JMY: variants seen among roughly 807,000 people sequenced by gnomAD.
JMY encodes junction mediating and regulatory protein, p53 cofactor, also known as junction-mediating and -regulatory protein.
A neutral mutation model predicts 103.3 loss-of-function variants in JMY; 46 were observed. The observed-to-expected ratio is 0.45, with a 90% confidence interval of 0.35 to 0.57. JMY has a LOEUF of 0.57. JMY is among the 20% of genes least tolerant of loss of function. The pLI is 0.00. For synonymous variants in JMY, 526 were observed against 489.3 expected, an observed-to-expected ratio of 1.07 and a Z score of -0.99; for missense variants, 1,238 against 1,255.2, an observed-to-expected ratio of 0.99 and a Z score of 0.21.
chr5:79,326,908 A>G lies in JMY; in HGVS notation c.*5306A>G, dbSNP rs541122224. ...AATTTACAATACTTAAATATGTTCA[A>G]TTAACATCCTAAAGTATTAAAAGTA... On this transcript the variant is annotated 3_prime_UTR_variant, in exon 11 of 11. Transcript: ENST00000396137. 1.3e-5 allele frequency: 2 copies of G among 152,328 alleles called. No homozygotes were observed. Among genetic ancestry groups the G allele is most frequent in the East Asian group, 1.9e-4 (1 of 5,146 alleles). The allele number at this position is 152,328 out of a possible 1,614,324, so 9.4% of individuals were successfully genotyped here. A position where few individuals can be genotyped will look rare whatever the true frequency, so the allele number is the denominator to read the frequency against.
intron 6 of JMY, 61 bp from the exon 7 acceptor site, chr5:79,306,314 G>C (rs1435757473): frequency 1.1e-5 from 13 of 1,148,944 alleles, no homozygotes; most frequent in Non-Finnish European, 1.6e-5. Context: ...TTTAACCTTG[G>C]TGTGGTGTTC....
At chr5:79,300,484 C>T (rs910009381) in intron 5 of JMY, among the ~76,000 whole-genome samples, 166 bp downstream of exon 5, 1 of 151,886 alleles carries the variant, frequency 6.6e-6, no homozygotes, top group African/African-American at 2.4e-5. Flanking sequence ...TACTGTTTGC[C>T]AGATACTGCT....
At chr5:79,286,562 G>C (rs966308280) in intron 2 of JMY, among the ~76,000 whole-genome samples, 24 of 152,024 alleles carry the variant, frequency 1.6e-4, no homozygotes, top group African/African-American at 5.8e-4. Context: ...AGACTTGCTT[G>C]AGACCGGGAG....
At chr5:79,287,667 GAA>G (rs1224517730) in intron 2 of JMY, among the ~76,000 whole-genome samples, 1 of 152,022 alleles carries the variant, frequency 6.6e-6, no homozygotes, top group Non-Finnish European at 1.5e-5. Flanking sequence ...CTAAAGAAAA[GAA>G]AAATTTAAAG....
At chr5:79,310,304 G>A (rs1486926478) in intron 7 of JMY, among the ~76,000 whole-genome samples, 1 of 151,856 alleles carries the variant, frequency 6.6e-6, no homozygotes, top group Non-Finnish European at 1.5e-5. Flanking sequence ...TGAGTTATCT[G>A]CCCGCCTCGC....
At chr5:79,311,823 G>A (rs775037034) in intron 7 of JMY, among the ~76,000 whole-genome samples, 20 of 152,132 alleles carry the variant, frequency 1.3e-4, no homozygotes, top group Middle Eastern at 3.4e-3. Flanking sequence ...GCTTTTGTTC[G>A]TTTGTTTTTT....
chr5:79,276,866 A>G (rs757653455), intron 1 of JMY, among the ~76,000 whole-genome samples: 5 of 152,018 alleles, frequency 3.3e-5, no homozygotes, highest in Non-Finnish European at 7.4e-5. Flanking sequence ...CGGCCTCCCA[A>G]AGTGCTAGGA....
rs1394385554 is a variant in JMY at position 79,323,897 on chromosome 5, C to T, written c.*2295C>T. On this transcript the variant is annotated 3_prime_UTR_variant, in exon 11 of 11. Transcript: ENST00000396137. ...ACATCTACAAGTCTCTCAACCCATC[C>T]TGTTACAGTTCTCCATGAGAGTCAC... The T allele has an allele frequency of 2.0e-5, 3 of 152,190 alleles. No individual in the cohort carries two copies. The highest frequency in any genetic ancestry group is 7.2e-5 in the African/African-American group (3 of 41,436). The allele number at this position is 152,190 out of a possible 1,614,324, so 9.4% of individuals were successfully genotyped here.
intron 1 of JMY, among the ~76,000 whole-genome samples, chr5:79,250,832 A>T (rs1334993087): frequency 6.6e-6 from 1 of 151,668 alleles, no homozygotes; most frequent in Non-Finnish European, 1.5e-5. Flanking sequence ...TTGTATTTTA[A>T]TATCTTTCAT....
Position 79,326,180 on chromosome 5 carries a change from G to GT in JMY, c.*4584dup, listed in dbSNP as rs1386487242. On this transcript the variant is annotated 3_prime_UTR_variant, in exon 11 of 11. Coordinates refer to ENST00000396137, the MANE Select transcript of JMY (RefSeq NM_152405.5). ...GTTTTGCGGGTTAGGGGAAAGTTTT[G>GT]TTTTTTGCTGGTGTTTTTTGTTGTT... The GT allele has an allele frequency of 2.0e-5, 3 of 152,032 alleles. No homozygotes were observed. Among genetic ancestry groups the GT allele is most frequent in the Non-Finnish European group, 2.9e-5 (2 of 67,952 alleles). 9.4% of individuals were successfully genotyped at this position (152,032 alleles called of 1,614,324 possible).
intron 10 of JMY, among the ~76,000 whole-genome samples, chr5:79,317,099 A>G (rs1366119624): frequency 6.6e-6 from 1 of 151,852 alleles, no homozygotes; most frequent in Non-Finnish European, 1.5e-5. Context: ...CTGACAAAGT[A>G]TTTCAGTAAC....
chr5:79,285,101 C>T (rs1746229486), intron 2 of JMY, among the ~76,000 whole-genome samples: 1 of 152,138 alleles, frequency 6.6e-6, no homozygotes, highest in Admixed American at 6.5e-5. Context: ...TTTTTAAATA[C>T]TTCCTGAAAG....
chr5:79,254,092 G>A (rs962629000), intron 1 of JMY, among the ~76,000 whole-genome samples: 7 of 149,548 alleles, frequency 4.7e-5, no homozygotes, highest in Non-Finnish European at 8.9e-5. Flanking sequence ...GATTACAGGT[G>A]CCCACCACCA....
chr5:79,299,026 G>A (rs989459576), intron 4 of JMY, among the ~76,000 whole-genome samples: 39 of 152,042 alleles, frequency 2.6e-4, no homozygotes, highest in African/African-American at 8.5e-4. Context: ...TGGTATTCTG[G>A]GACCCCAGTG....
At chr5:79,308,713 T>A (rs949365860) in intron 7 of JMY, among the ~76,000 whole-genome samples, 3 of 151,016 alleles carry the variant, frequency 2.0e-5, no homozygotes, top group Admixed American at 6.6e-5. Flanking sequence ...TTAAAATACT[T>A]CTTCTTTTAG....
At chr5:79,260,912 G>A (rs374432294) in intron 1 of JMY, among the ~76,000 whole-genome samples, 10 of 152,024 alleles carry the variant, frequency 6.6e-5, no homozygotes, top group African/African-American at 2.4e-4. Context: ...CAGTTCCCAG[G>A]GCCACAGATG....
chr5:79,309,416 CCTT>C (rs1185277461), intron 7 of JMY, among the ~76,000 whole-genome samples: 2 of 152,170 alleles, frequency 1.3e-5, no homozygotes, highest in African/African-American at 2.4e-5. Context: ...ACATTAGAAA[CCTT>C]CTCCTACTCC....
At chr5:79,265,991 A>C (rs1745577205) in intron 1 of JMY, among the ~76,000 whole-genome samples, 1 of 152,104 alleles carries the variant, frequency 6.6e-6, no homozygotes, top group Non-Finnish European at 1.5e-5. Flanking sequence ...CATGTTGGCC[A>C]TGCTGGTCTC....
intron 1 of JMY, among the ~76,000 whole-genome samples, chr5:79,252,355 A>G (rs577661105): frequency 1.6e-5 from 2 of 126,800 alleles, no homozygotes; most frequent in East Asian, 4.6e-4. Context: ...TTTTTTTTTT[A>G]ATGTTTTAAG....
Sources: gnomAD v4.1 joint callset for allele counts (sites outside exome capture counted in the v4.1 genomes callset) on GRCh38, gnomAD v4.1.1 for gene constraint, MANE v1.5 for transcripts, NCBI Gene and HGNC (gene_info 2026-07-23, HGNC 2026-07-21) for gene names.